The following MCM10 variants were observed in gnomAD, a reference collection of about 807,000 sequenced individuals.
The protein encoded by MCM10 is minichromosome maintenance 10 replication initiation factor, also known as protein MCM10 homolog.
MCM10 carries 91 observed loss-of-function variants against 109.9 expected under a neutral mutation model. The observed-to-expected ratio is 0.83, with a 90% CI of 0.70 to 0.99. MCM10 has a LOEUF of 0.99. Among genes scored for constraint, MCM10 ranks in the 50% least tolerant of loss-of-function variants. MCM10 has a pLI of 0.00. For synonymous variants in MCM10, 380 were observed against 387.2 expected, an observed-to-expected ratio of 0.98 and a Z score of 0.22; for missense variants, 1,077 against 1,061.2, an observed-to-expected ratio of 1.01 and a Z score of -0.21.
chr10:13,183,256 A>G (rs1471345223), intron 8 of MCM10, among the ~76,000 whole-genome samples, 156 bp downstream of exon 8: 1 of 152,222 alleles, frequency 6.6e-6, no homozygotes, highest in East Asian at 1.9e-4. Context: ...CAGGAGTTCA[A>G]GACCAGCCTG....
At chr10:13,170,826 T>C (rs535584280) in intron 2 of MCM10, 96 bp from the exon 3 acceptor site, 4 of 1,054,538 alleles carry the variant, frequency 3.8e-6, no homozygotes, top group African/African-American at 1.6e-5. Flanking sequence ...CATTAGGTAG[T>C]TTCTCTTACC....
chr10:13,195,182 A>G lies in MCM10; in HGVS notation c.1887A>G (p.Arg629=). 2 of 1,613,988 alleles carry G rather than the reference A, an allele frequency of 1.2e-6. No individual in the cohort carries two copies. Among genetic ancestry groups the G allele is most frequent in the Non-Finnish European group, 1.7e-6 (2 of 1,179,972 alleles). The stretch of plus-strand genomic sequence containing the variant: ...CCACAATGACGCCCAAGCTGGGGCG[A>G]GGTGTCTTGGAAGGAGATGATGTTC... ...APATMTPKLG[R]GVLEGDDVLF... is the part of the protein sequence containing the mutation. The change falls in exon 14 of 20, where the codon CGA becomes CGG. Residue 629 remains arginine, a synonymous_variant. Transcript: ENST00000378714.
chr10:13,183,035 G>C lies in MCM10; in HGVS notation c.1033G>C (p.Glu345Gln). 1 of 1,614,158 alleles carries C rather than the reference G, an allele frequency of 6.2e-7. No individual in the cohort carries two copies. Among genetic ancestry groups the C allele is most frequent in the Non-Finnish European group, 8.5e-7 (1 of 1,180,024 alleles). ...GEVHKALWKT[E>Q]QGTVVGILNA... ...AGTTCACAAAGCGCTCTGGAAGACG[G>C]AGCAGGGGACTGTCGTAGGGATCCT... Residue 345 changes from glutamate to glutamine, a missense_variant, in exon 8 of 20, where the codon GAG (glutamate) becomes CAG (glutamine). Physicochemically the swap from Glu to Gln is conservative, Grantham distance 29. Coordinates refer to ENST00000378714, the MANE Select transcript of MCM10 (RefSeq NM_018518.5).
Position 13,189,640 on chromosome 10 carries a change from G to C in MCM10, c.1415+560G>C, listed in dbSNP as rs527728636. ...TCCCAGCCCCTCTTTGACTTCTAAT[G>C]TGAATAGTGCACCTTCATCAGGGCC... On this transcript the variant is annotated intron_variant, in intron 10 of 19. Transcript: ENST00000378714. Among the ~76,000 whole-genome samples the C allele has an allele frequency of 9.9e-5, 15 of 152,266 alleles. 1 individual carries two copies. The highest frequency in any genetic ancestry group is 3.4e-4 in the African/African-American group (14 of 41,548).
At chr10:13,183,991 G>C (rs1396758032) in intron 8 of MCM10, among the ~76,000 whole-genome samples, 3 of 152,016 alleles carry the variant, frequency 2.0e-5, no homozygotes, top group Non-Finnish European at 4.4e-5. Context: ...CAGCAGCTGG[G>C]ATTACAGGCA....
Position 13,191,341 on chromosome 10 carries a change from G to A in MCM10, c.1458G>A (p.Leu486=). ...CTAAGAAGAAGATTCAAACCACTCT[G>A]AGTAATCTGGTTGTTAAGGGCACAA... ...VAPKKKIQTT[L]SNLVVKGTNL... Residue 486 remains leucine (L), a synonymous_variant, in exon 11 of 20, where the codon CTG becomes CTA. Transcript: ENST00000378714. 6.2e-7 allele frequency: 1 copy of A among 1,614,106 alleles called. No individual in the cohort carries two copies. Among genetic ancestry groups the A allele is most frequent in the Non-Finnish European group, 8.5e-7 (1 of 1,180,016 alleles).
At chr10:13,207,619 C>T (rs759816718) in intron 18 of MCM10, among the ~76,000 whole-genome samples, 34 of 152,066 alleles carry the variant, frequency 2.2e-4, no homozygotes, top group Admixed American at 8.5e-4. Context: ...AGGTCTTTCC[C>T]GGGCTGTTCT....
In MCM10 at chr10:13,164,216, C is replaced by G. The variant is rs772397812; in HGVS notation, c.7+7C>G. ...CCTCTTGACAGCATGGATGGTAAGA[C>G]CTGGCAGTTTTCTGTTACTCTGTTT... On this transcript the variant is annotated splice_region_variant and intron_variant, in intron 2 of 19. Transcript: ENST00000378714. 4 of 1,596,590 alleles carry G rather than the reference C, an allele frequency of 2.5e-6. No homozygotes were observed. Among genetic ancestry groups the G allele is most frequent in the African/African-American group, 1.4e-5 (1 of 73,962 alleles).
At chr10:13,164,283 C>T in intron 2 of MCM10, 74 bp downstream of exon 2, 1 of 1,432,316 alleles carries the variant, frequency 7.0e-7, no homozygotes, top group Non-Finnish European at 9.4e-7. Flanking sequence ...GTTATTTATT[C>T]TACCTGTAAA....
In MCM10 at chr10:13,208,471, C is replaced by T. The variant is rs188833417; in HGVS notation, c.2499-620C>T. Reference sequence around the variant, plus strand: ...GAGGCTGGGCACAGTGGCTCACGCCCGTAATCCCAGCACTTTGGGAGGCTG... The same window carrying T: ...GAGGCTGGGCACAGTGGCTCACGCCTGTAATCCCAGCACTTTGGGAGGCTG... On this transcript the variant is annotated intron_variant, in intron 18 of 19. Coordinates refer to ENST00000378714, the MANE Select transcript of MCM10 (RefSeq NM_018518.5). Among the ~76,000 whole-genome samples the T allele has an allele frequency of 4.8e-4, 68 of 142,530 alleles. No homozygotes were observed. In the East Asian group the frequency reaches 0.012, roughly 26 times the overall value. 93.5% of individuals were successfully genotyped at this position (142,530 alleles called of 152,430 possible).
intron 2 of MCM10, among the ~76,000 whole-genome samples, chr10:13,166,689 T>TATATATATATATATATATA (rs1588464271): frequency 7.7e-6 from 1 of 129,424 alleles, no homozygotes; most frequent in African/African-American, 3.4e-5. Context: ...TATATATATA[T>TATATATATATATATATATA]CATCAGCTAA....
Position 13,172,454 on chromosome 10 carries a change from G to A in MCM10, c.428G>A (p.Ser143Asn). The part of the protein sequence containing the change: ...LKVTTIKQTA[S>N]PARLQKSPEK... ...GTAACAACAATTAAACAGACAGCAA[G>A]CCCAGCCCGTCTGCAAAAATCCCCT... The change falls in exon 4 of 20, where the codon AGC becomes AAC. Residue 143 changes from serine (S) to asparagine (N), a missense_variant. By Grantham distance (46) the Ser-to-Asn change is conservative. Coordinates refer to ENST00000378714, the MANE Select transcript of MCM10 (RefSeq NM_018518.5). The surrounding 1 kb of genome is among the most constrained non-coding windows in gnomAD (Gnocchi z 5.2). The A allele has an allele frequency of 6.2e-7, 1 of 1,614,104 alleles. No homozygotes were observed. Among genetic ancestry groups the A allele is most frequent in the South Asian group, 1.1e-5 (1 of 91,068 alleles).
rs140813594 is a variant in MCM10, at chr10:13,194,482, G to C, written c.1746-559G>C. 3.3e-3 allele frequency among the ~76,000 whole-genome samples: 503 copies of C among 152,320 alleles called. 2 individuals are homozygous for C. Among genetic ancestry groups the C allele is most frequent in the African/African-American group, 0.011 (474 of 41,570 alleles). On this transcript the variant is annotated intron_variant, in intron 13 of 19. Transcript: ENST00000378714. The stretch of plus-strand genomic sequence containing the variant: ...AATCACTTGAACCTGGGAGGCAGAG[G>C]TTGCAGTGAGCCAAGATCATGCCAC...
At chr10:13,180,265 AG>A (rs1834193295) in intron 6 of MCM10, among the ~76,000 whole-genome samples, 176 bp from the exon 7 acceptor site, 1 of 150,890 alleles carries the variant, frequency 6.6e-6, no homozygotes, top group African/African-American at 2.4e-5. Flanking sequence ...AAAAAAAAAA[AG>A]AATTATTTAT....
At position 13,175,759 on chromosome 10, in the gene MCM10, G is replaced by A. The variant is rs1482908419; in HGVS notation, c.764+78G>A. 8.0e-6 allele frequency: 8 copies of A among 1,000,816 alleles called. No individual in the cohort carries two copies. The Admixed American group carries it at 1.7e-4, about 21-fold the overall frequency. 62.0% of individuals were successfully genotyped at this position (1,000,816 alleles called of 1,614,324 possible). ...TCTCGGAGTCCTTTAGAAGTAGTGT[G>A]TTTATACATCAGGATCCACAAAACA... On this transcript the variant is annotated intron_variant, in intron 6 of 19. Coordinates refer to ENST00000378714, the MANE Select transcript of MCM10 (RefSeq NM_018518.5).
chr10:13,206,726 A>G (rs1564395625), intron 18 of MCM10, among the ~76,000 whole-genome samples: 1 of 152,036 alleles, frequency 6.6e-6, no homozygotes, highest in Non-Finnish European at 1.5e-5. Context: ...ATGGAAGGGC[A>G]TGATGCCTTT....
rs775823079 is a variant in MCM10 at position 13,195,082 on chromosome 10, C to T, written c.1787C>T (p.Pro596Leu). ...SSSEVESPAVPSSSRQPPAQP... is the reference protein window; with the variant it reads ...SSSEVESPAVLSSSRQPPAQP... ...AGTGAAGTTGAGAGCCCAGCTGTGCCATCTTCATCAAGACAGCCCCCTGCT... is the reference window on the plus strand; with the variant it reads ...AGTGAAGTTGAGAGCCCAGCTGTGCTATCTTCATCAAGACAGCCCCCTGCT... The change falls in exon 14 of 20, where the codon CCA (proline) becomes CTA (leucine). Residue 596 changes from proline (P) to leucine (L), a missense_variant. Transcript: ENST00000378714. 6.8e-6 allele frequency: 11 copies of T among 1,614,116 alleles called. No homozygotes were observed. The South Asian group carries it at 9.9e-5, about 15-fold the overall frequency.
At chr10:13,192,629 G>A (rs573640187) in intron 13 of MCM10, 61 bp downstream of exon 13, 15 of 1,437,912 alleles carry the variant, frequency 1.0e-5, no homozygotes, top group South Asian at 9.5e-5. Context: ...TCCTCAGAAC[G>A]TCTTCATCGA....
chr10:13,170,992 A>G lies in MCM10; in HGVS notation c.78A>G (p.Ser26=), dbSNP rs1261319132. ...EENESALDCN[S]EENNFLTREN... Reference sequence around the variant, plus strand: ...ATGAGTCAGCCTTGGATTGTAATTCAGAAGAAAATAACTTCTTGACGCGGG... The same window carrying G: ...ATGAGTCAGCCTTGGATTGTAATTCGGAAGAAAATAACTTCTTGACGCGGG... The change falls in exon 3 of 20, where the codon TCA becomes TCG. Residue 26 remains serine (S), a synonymous_variant. Transcript: ENST00000378714. 14 of 1,614,132 alleles carry G rather than the reference A, an allele frequency of 8.7e-6. No homozygotes were observed. Among genetic ancestry groups the G allele is most frequent in the African/African-American group, 1.3e-5 (1 of 74,946 alleles).
Sources: allele counts gnomAD v4.1 joint callset (sites outside exome capture counted in the v4.1 genomes callset), GRCh38; gene constraint gnomAD v4.1.1; non-coding constraint Gnocchi (gnomAD v3.1); transcripts MANE v1.5; gene names NCBI Gene and HGNC (gene_info 2026-07-23, HGNC 2026-07-21).